The following TEKT5 variants were observed in gnomAD, a reference collection of about 807,000 sequenced individuals.
TEKT5 encodes the protein tektin-5.
Under a neutral mutation model 48.7 loss-of-function variants are expected in TEKT5, and 52 were observed. The observed-to-expected ratio is 1.07, with a 90% CI of 0.86 to 1.35. The LOEUF (loss-of-function observed/expected upper bound fraction) is 1.35, where lower values mean the gene tolerates loss of function less well. Among genes scored for constraint, TEKT5 ranks in the 40% most tolerant of loss-of-function variants. The pLI is 0.00. For synonymous variants in TEKT5, 318 were observed against 267.6 expected, an observed-to-expected ratio of 1.19 and a Z score of -1.84; for missense variants, 831 against 641.6, an observed-to-expected ratio of 1.30 and a Z score of -3.19.
At position 10,632,822 on chromosome 16, in the gene TEKT5, C is replaced by T. The variant is rs931704027; in HGVS notation, c.1241+2942G>A. Among the ~76,000 whole-genome samples the T allele has an allele frequency of 9.6e-4, 145 of 150,862 alleles. 1 individual carries two copies. The highest frequency in any genetic ancestry group is 1.8e-4 in the Non-Finnish European group (12 of 67,748). ...CTGAATCCTATCATCTGCTCAATTC[C>T]GAAGACAGCCATGCATACAAACCAA... On this transcript the variant is annotated intron_variant, in intron 6 of 6. Coordinates refer to ENST00000283025, the MANE Select transcript of TEKT5 (RefSeq NM_144674.2).
At position 10,627,825 on chromosome 16, in the gene TEKT5, A is replaced by G. The variant is rs573558047; in HGVS notation, c.1242-26T>C. 1.9e-4 allele frequency: 298 copies of G among 1,597,436 alleles called. 1 individual carries two copies. In the South Asian group the frequency reaches 3.1e-3, roughly 17 times the overall value. ...CTGGGGTGAGGGCAGAGGAGAAGGC[A>G]CAGGTTATTCATTTATTTTTATTTG... On this transcript the variant is annotated intron_variant, in intron 6 of 6. Transcript: ENST00000283025.
At chr16:10,633,152 G>C (rs1897863932) in intron 6 of TEKT5, among the ~76,000 whole-genome samples, 1 of 152,198 alleles carries the variant, frequency 6.6e-6, no homozygotes, top group Non-Finnish European at 1.5e-5. Context: ...CTTGAGGTTA[G>C]GAGTTTGAGA....
intron 3 of TEKT5, among the ~76,000 whole-genome samples, chr16:10,686,768 C>T (rs1898868149): frequency 6.6e-6 from 1 of 152,094 alleles, no homozygotes; most frequent in African/African-American, 2.4e-5. Context: ...AAGAAAACAA[C>T]CCAGTTTTAA....
chr16:10,657,126 T>C (rs946271943), intron 5 of TEKT5, among the ~76,000 whole-genome samples: 6 of 147,264 alleles, frequency 4.1e-5, no homozygotes, highest in Admixed American at 4.0e-4. Context: ...TGCCTTTTTT[T>C]TTTTTTTCTT....
chr16:10,687,628 C>T (rs933322827), intron 3 of TEKT5, among the ~76,000 whole-genome samples: 18 of 147,432 alleles, frequency 1.2e-4, no homozygotes, highest in African/African-American at 4.4e-4. Flanking sequence ...TGGCATGGGC[C>T]TGTAATCCCA....
At chr16:10,689,365 C>T (rs2142315224) in intron 2 of TEKT5, 42 bp from the exon 3 acceptor site, 1 of 1,529,116 alleles carries the variant, frequency 6.5e-7, no homozygotes, top group Non-Finnish European at 9.0e-7. Context: ...CTCTTAGAAC[C>T]TCACAGTCTT....
At position 10,677,041 on chromosome 16, in the gene TEKT5, A is replaced by G. The variant is rs1184781574; in HGVS notation, c.864-860T>C. ...CTCTATAAAAAATGTCAAAAAAAAA[A>G]GTACCTACATGTGGTGGTGCATGCC... On this transcript the variant is annotated intron_variant, in intron 4 of 6. Coordinates refer to ENST00000283025, the MANE Select transcript of TEKT5 (RefSeq NM_144674.2). 2.0e-5 allele frequency among the ~76,000 whole-genome samples: 3 copies of G among 152,192 alleles called. No homozygotes were observed. In the East Asian group the frequency reaches 5.8e-4, roughly 29 times the overall value.
chr16:10,665,091 G>A (rs1898436128), intron 5 of TEKT5, among the ~76,000 whole-genome samples: 1 of 152,158 alleles, frequency 6.6e-6, no homozygotes, highest in Admixed American at 6.5e-5. Context: ...AGGTGGAGAT[G>A]GAAGGGGAGG....
At position 10,676,078 on chromosome 16, in the gene TEKT5, G is replaced by A; in HGVS notation, c.967C>T (p.Leu323Phe). The change falls in exon 5 of 7, where the codon CTC (leucine) becomes TTC (phenylalanine). Residue 323 changes from leucine (L) to phenylalanine (F), a missense_variant. Physicochemically the swap from Leu to Phe is conservative, Grantham distance 22 (BLOSUM62 0). Transcript: ENST00000283025. ...ATCTGATCCGACAAGGTCTCAAAGA[G>A]GTGCTCCGCCTCCTCCCGCAGCTGG... ...SIQLREEAEH[L>F]FETLSDQMWR... 1 of 1,614,238 alleles carries A rather than the reference G, an allele frequency of 6.2e-7. No homozygotes were observed. Among genetic ancestry groups the A allele is most frequent in the African/African-American group, 1.3e-5 (1 of 75,054 alleles).
chr16:10,682,339 T>C (rs1453479001), intron 3 of TEKT5, among the ~76,000 whole-genome samples: 1 of 151,816 alleles, frequency 6.6e-6, no homozygotes, highest in African/African-American at 2.4e-5. Flanking sequence ...TCTTTTTTTT[T>C]TGTTTCCAGA....
At chr16:10,693,264 T>A (rs1383511900) in intron 1 of TEKT5, among the ~76,000 whole-genome samples, 2 of 152,106 alleles carry the variant, frequency 1.3e-5, no homozygotes, top group African/African-American at 4.8e-5. Flanking sequence ...CCCAGCTAAT[T>A]TTGTATTTTT....
intron 5 of TEKT5, among the ~76,000 whole-genome samples, chr16:10,669,962 G>A (rs566972552): frequency 6.6e-6 from 1 of 152,290 alleles, no homozygotes; most frequent in Admixed American, 6.5e-5. Context: ...GTGCAAGGAT[G>A]AGGCCCCGGG....
At chr16:10,691,648 A>C (rs1024788728) in intron 1 of TEKT5, among the ~76,000 whole-genome samples, 4 of 152,104 alleles carry the variant, frequency 2.6e-5, no homozygotes, top group African/African-American at 7.2e-5. Context: ...TTCCGGAATT[A>C]AGATGTTAAT....
chr16:10,666,408 A>G (rs1384878454), intron 5 of TEKT5, among the ~76,000 whole-genome samples: 1 of 152,172 alleles, frequency 6.6e-6, no homozygotes, highest in Admixed American at 6.5e-5. Flanking sequence ...AGGCCCAAAC[A>G]TTCTTTGCTG....
intron 3 of TEKT5, among the ~76,000 whole-genome samples, chr16:10,684,370 G>A (rs1434533808): frequency 6.6e-6 from 1 of 150,456 alleles, no homozygotes; most frequent in African/African-American, 2.4e-5. Flanking sequence ...GTGTCTCTGT[G>A]GGTCTCTCCC....
chr16:10,631,280 G>GAA (rs1567223227), intron 6 of TEKT5, among the ~76,000 whole-genome samples: 1 of 138,884 alleles, frequency 7.2e-6, no homozygotes, highest in Non-Finnish European at 1.5e-5. Context: ...AAAAGAGAGA[G>GAA]AGAGAGAGAG....
intron 5 of TEKT5, among the ~76,000 whole-genome samples, chr16:10,661,967 C>T (rs1156875633): frequency 6.6e-6 from 1 of 152,214 alleles, no homozygotes; most frequent in African/African-American, 2.4e-5. Flanking sequence ...GGTCCCTCAG[C>T]CTCCACACTA....
intron 5 of TEKT5, among the ~76,000 whole-genome samples, chr16:10,643,425 T>A (rs1898023733): frequency 6.6e-6 from 1 of 151,852 alleles, no homozygotes; most frequent in Admixed American, 6.6e-5. Context: ...ATTTACTGTA[T>A]GATTATACCT....
At chr16:10,672,452 G>T (rs1285825921) in intron 5 of TEKT5, among the ~76,000 whole-genome samples, 6 of 152,058 alleles carry the variant, frequency 3.9e-5, no homozygotes, top group African/African-American at 9.7e-5. Flanking sequence ...ATTAGCTGGG[G>T]CGTGATGGCG....
Sources: allele counts gnomAD v4.1 joint callset (sites outside exome capture counted in the v4.1 genomes callset), GRCh38; gene constraint gnomAD v4.1.1; transcripts MANE v1.5; gene names NCBI Gene and HGNC (gene_info 2026-07-23, HGNC 2026-07-21).